RC3H2: variants seen among roughly 807,000 people sequenced by gnomAD.
RC3H2 encodes the protein ring finger and CCCH-type domains 2.
A neutral mutation model predicts 133.3 loss-of-function variants in RC3H2; 31 were observed. The ratio of observed to expected loss-of-function variants is 0.23; its 90% CI spans 0.17 to 0.31. The LOEUF is 0.31. RC3H2 is among the 10% of genes least tolerant of loss of function. The pLI is 1.00. For synonymous variants in RC3H2, 517 were observed against 502.2 expected (o/e 1.03, Z -0.40); for missense variants, 1,175 against 1,437.2 (o/e 0.82, Z 2.95).
chr9:122,862,885 C>T (rs1157629988), intron 10 of RC3H2, among the ~76,000 whole-genome samples: 5 of 143,536 alleles, frequency 3.5e-5, no homozygotes, highest in African/African-American at 1.3e-4. Flanking sequence ...CAGAGAGACT[C>T]CATCTCAAAA....
chr9:122,866,827 C>T (rs1305201969), intron 9 of RC3H2, among the ~76,000 whole-genome samples: 2 of 152,124 alleles, frequency 1.3e-5, no homozygotes, highest in Admixed American at 1.3e-4. Flanking sequence ...CGGCCGCCAC[C>T]CCGTCTGGGA....
intron 9 of RC3H2, among the ~76,000 whole-genome samples, chr9:122,873,566 A>T (rs898680238): frequency 2.6e-5 from 4 of 151,962 alleles, no homozygotes; most frequent in African/African-American, 9.7e-5. Flanking sequence ...AAAAAAATTT[A>T]GCCAGGCATG....
At chr9:122,902,411 T>C (rs1255432439) in intron 1 of RC3H2, among the ~76,000 whole-genome samples, 1 of 152,270 alleles carries the variant, frequency 6.6e-6, no homozygotes, top group Non-Finnish European at 1.5e-5. Context: ...CTGGAAGTTT[T>C]GGGTTTTTAT....
chr9:122,882,598 T>C (rs1831695490), intron 5 of RC3H2, among the ~76,000 whole-genome samples: 1 of 152,244 alleles, frequency 6.6e-6, no homozygotes, highest in African/African-American at 2.4e-5. Flanking sequence ...ACTTTAAGGA[T>C]TCAGCTTGCT....
At chr9:122,867,369 A>G (rs10818755) in intron 9 of RC3H2, among the ~76,000 whole-genome samples, 1 of 118,118 alleles carries the variant, frequency 8.5e-6, no homozygotes, top group Non-Finnish European at 1.8e-5. Context: ...AAGTGAGGAG[A>G]CCCTCTGCCC....
At chr9:122,864,672 T>C (rs537032627) in intron 10 of RC3H2, among the ~76,000 whole-genome samples, 56 of 152,040 alleles carry the variant, frequency 3.7e-4, no homozygotes, top group African/African-American at 1.1e-3. Flanking sequence ...CCAGGCTGGA[T>C]TGCAGTAGCA....
rs1278013377 is a variant in RC3H2 at position 122,880,180 on chromosome 9, C to T, written c.961-55G>A. 4 of 1,549,256 alleles carry T rather than the reference C, an allele frequency of 2.6e-6. No homozygotes were observed. The East Asian group carries it at 6.7e-5, about 26-fold the overall frequency. On this transcript the variant is annotated intron_variant, in intron 6 of 20. Coordinates refer to ENST00000357244, the MANE Select transcript of RC3H2 (RefSeq NM_001100588.3). ...CTTTGGTTCTTATGACACATTTATA[C>T]TCAAATACTTTCAATTTATCAACAT...
At chr9:122,903,824 A>T (rs563932461) in intron 1 of RC3H2, among the ~76,000 whole-genome samples, 1 of 152,374 alleles carries the variant, frequency 6.6e-6, no homozygotes, top group South Asian at 2.1e-4. Flanking sequence ...TCAAAAATTG[A>T]ACGTGGAAGT....
chr9:122,849,599 GTCAC>G lies in RC3H2; in HGVS notation c.*24_*27del. The G allele has an allele frequency of 6.7e-7, 1 of 1,498,656 alleles. No homozygotes were observed. The highest frequency in any genetic ancestry group is 9.2e-7 in the Non-Finnish European group (1 of 1,082,052). The allele number at this position is 1,498,656 out of a possible 1,614,324, so 92.8% of individuals were successfully genotyped here. A position where few individuals can be genotyped will look rare whatever the true frequency, so the allele number is the denominator to read the frequency against. ...CTAGTGTAAATGCTTCCATGGTGTGGTCACAAATTTGAAAGATGAACCTCCTTTC... is the reference window on the plus strand; with the variant it reads ...CTAGTGTAAATGCTTCCATGGTGTGGAAATTTGAAAGATGAACCTCCTTTC... On this transcript the variant is annotated 3_prime_UTR_variant, in exon 21 of 21. Transcript: ENST00000357244.
chr9:122,864,340 AG>A (rs1830559907), intron 10 of RC3H2, among the ~76,000 whole-genome samples: 1 of 150,866 alleles, frequency 6.6e-6, no homozygotes, highest in African/African-American at 2.4e-5. Context: ...CCTCTGACAA[AG>A]GAAATCTTAT....
At chr9:122,865,679 G>C in intron 9 of RC3H2, 22 bp from the exon 10 acceptor site, 1 of 1,592,700 alleles carries the variant, frequency 6.3e-7, no homozygotes, top group East Asian at 2.2e-5. Context: ...ACAATCAACA[G>C]ATTGGTGAAT....
intron 18 of RC3H2, 198 bp downstream of exon 18, chr9:122,853,752 AAC>A: frequency 1.4e-6 from 2 of 1,396,608 alleles, no homozygotes; most frequent in Non-Finnish European, 1.9e-6. Context: ...ATCTCAAAAA[AAC>A]AAAAATCCCG....
chr9:122,899,724 G>T (rs929701930), intron 1 of RC3H2, among the ~76,000 whole-genome samples: 5 of 152,136 alleles, frequency 3.3e-5, no homozygotes, highest in Non-Finnish European at 1.5e-5. Flanking sequence ...AGTTATACAA[G>T]AAAAGGCCTT....
chr9:122,868,343 G>A (rs568813545), intron 9 of RC3H2, among the ~76,000 whole-genome samples: 57 of 152,298 alleles, frequency 3.7e-4, no homozygotes, highest in Admixed American at 2.0e-3. Flanking sequence ...GATGGTTGCC[G>A]TGTCTGTGTG....
At position 122,905,184 on chromosome 9, in the gene RC3H2, G is replaced by A; in HGVS notation, c.-142C>T. 3.0e-6 allele frequency: 3 copies of A among 985,478 alleles called. No homozygotes were observed. The highest frequency in any genetic ancestry group is 3.6e-6 in the Non-Finnish European group (3 of 829,960). 61.0% of individuals were successfully genotyped at this position (985,478 alleles called of 1,614,324 possible). A position where few individuals can be genotyped will look rare whatever the true frequency, so the allele number is the denominator to read the frequency against. ...GACGGCGCGGCTTGGCGACGGAGGC[G>A]CCTCGTCTCGCCGGGGCAGAGCTCG... On this transcript the variant is annotated 5_prime_UTR_variant, in exon 1 of 21. Transcript: ENST00000357244.
At chr9:122,849,917 T>C (rs924375624) in intron 20 of RC3H2, 95 bp from the exon 21 acceptor site, 1 of 731,336 alleles carries the variant, frequency 1.4e-6, no homozygotes, top group South Asian at 2.9e-5. Context: ...CAGCAAACTT[T>C]AGGAGTCTCT....
At chr9:122,885,040 A>G (rs550126332) in intron 4 of RC3H2, among the ~76,000 whole-genome samples, 102 of 152,234 alleles carry the variant, frequency 6.7e-4, no homozygotes, top group African/African-American at 2.4e-3. Flanking sequence ...ACTATAAAAG[A>G]TATTTTTGGA....
intron 4 of RC3H2, among the ~76,000 whole-genome samples, chr9:122,885,407 T>C (rs1241866243): frequency 6.6e-6 from 1 of 152,126 alleles, no homozygotes. Context: ...ATCAAAACAA[T>C]AGAGCTTAAG....
chr9:122,861,073 T>C (rs1470586599), intron 10 of RC3H2, among the ~76,000 whole-genome samples: 1 of 152,158 alleles, frequency 6.6e-6, no homozygotes, highest in Non-Finnish European at 1.5e-5. Flanking sequence ...TGGTAACTCA[T>C]TAAATTGAGG....
Sources: gnomAD v4.1 joint callset for allele counts (sites outside exome capture counted in the v4.1 genomes callset) on GRCh38, gnomAD v4.1.1 for gene constraint, MANE v1.5 for transcripts, NCBI Gene and HGNC (gene_info 2026-07-23, HGNC 2026-07-21) for gene names.